Variants in NTN4 observed in about 807,000 individuals in gnomAD.
NTN4 encodes netrin 4, also known as netrin-4.
In NTN4, 32 loss-of-function variants were observed where a neutral mutation model predicts 73.6. That is an observed-to-expected ratio of 0.44 (90% CI 0.33 to 0.58). The LOEUF (loss-of-function observed/expected upper bound fraction) is 0.58, where lower values mean the gene tolerates loss of function less well. Among genes scored for constraint, NTN4 ranks in the 20% least tolerant of loss-of-function variants. The pLI is 0.04. For synonymous variants in NTN4, 258 were observed against 287.5 expected (o/e 0.90, Z 1.04); for missense variants, 654 against 798.3 (o/e 0.82, Z 2.18).
intron 4 of NTN4, among the ~76,000 whole-genome samples, chr12:95,712,624 C>G (rs1565893019): frequency 2.6e-5 from 4 of 151,930 alleles, no homozygotes; most frequent in African/African-American, 4.8e-5. Context: ...TATTTAGAGA[C>G]AGAGTTTCCC....
rs776649804 is a variant in NTN4, at chr12:95,710,473, C to T, written c.1148G>A (p.Arg383Gln). ...RCKPGFYRDL[R>Q]RPFSAPDACK... is the part of the protein sequence containing the mutation. ...AGCATCTGGAGCTGAGAAGGGTCTC[C>T]GCAGGTCACGATAGAAGCCTGGCTT... is the stretch of plus-strand genomic sequence containing the variant. Residue 383 changes from arginine to glutamine, a missense_variant, in exon 5 of 10, where the codon CGG (arginine) becomes CAG (glutamine). Transcript: ENST00000343702. The T allele has an allele frequency of 2.5e-5, 41 of 1,613,870 alleles. 1 individual carries two copies. In the East Asian group the frequency reaches 4.0e-4, roughly 16 times the overall value.
intron 2 of NTN4, among the ~76,000 whole-genome samples, chr12:95,769,946 G>A (rs10777731): frequency 0.8 from 120,975 of 151,498 alleles, 48,639 homozygotes; most frequent in Admixed American, 0.86. Flanking sequence ...TTGTAGAGGC[G>A]GGGTTTCAGC....
chr12:95,754,738 A>C, intron 2 of NTN4, among the ~76,000 whole-genome samples: 1 of 150,658 alleles, frequency 6.6e-6, no homozygotes, highest in African/African-American at 2.4e-5. Context: ...GTAATTTTCC[A>C]TTACCTTCCC....
chr12:95,710,314 C>G, intron 5 of NTN4, 127 bp downstream of exon 5: 1 of 665,000 alleles, frequency 1.5e-6, no homozygotes. Context: ...AGAAATTAAC[C>G]GATATCTGTG....
At chr12:95,704,095 C>T (rs1345395331) in intron 5 of NTN4, among the ~76,000 whole-genome samples, 1 of 152,036 alleles carries the variant, frequency 6.6e-6, no homozygotes, top group Non-Finnish European at 1.5e-5. Flanking sequence ...TGCCTGGCTA[C>T]TCTGAACCTT....
chr12:95,659,276 A>AGAT, intron 9 of NTN4, 54 bp from the exon 10 acceptor site: 2 of 1,364,024 alleles, frequency 1.5e-6, no homozygotes, highest in Non-Finnish European at 2.0e-6. Flanking sequence ...TTGAAGGGAG[A>AGAT]GATGTGACTC....
chr12:95,713,287 G>T lies in NTN4; in HGVS notation c.916C>A (p.His306Asn), dbSNP rs760226106. 2.5e-6 allele frequency: 4 copies of T among 1,612,778 alleles called. No homozygotes were observed. Among genetic ancestry groups the T allele is most frequent in the Non-Finnish European group, 3.4e-6 (4 of 1,178,954 alleles). The change falls in exon 4 of 10, where the codon CAC (histidine) becomes AAC (asparagine). Residue 306 changes from histidine to asparagine, a missense_variant. Coordinates refer to ENST00000343702, the MANE Select transcript of NTN4 (RefSeq NM_021229.4). ...KHNTAGSHCQ[H>N]CAPLYNDRPW... is the part of the protein sequence containing the mutation. ...CGGTCATTGTATAACGGGGCACAGTGCTGGCAGTGGCTGCCTGCTGTGTTG... is the reference window on the plus strand; with the variant it reads ...CGGTCATTGTATAACGGGGCACAGTTCTGGCAGTGGCTGCCTGCTGTGTTG...
At chr12:95,665,750 G>T in intron 9 of NTN4, 60 bp downstream of exon 9, 1 of 1,374,646 alleles carries the variant, frequency 7.3e-7, no homozygotes, top group Non-Finnish European at 1.0e-6. Context: ...GAGGATGTAA[G>T]ACAAGCAGCA....
chr12:95,775,885 G>C (rs2079088400), intron 2 of NTN4, among the ~76,000 whole-genome samples: 1 of 151,880 alleles, frequency 6.6e-6, no homozygotes, highest in South Asian at 2.1e-4. Flanking sequence ...CCTGCCTCCT[G>C]AGTAGCCTAA....
chr12:95,682,865 T>G, intron 6 of NTN4, 43 bp from the exon 7 acceptor site: 1 of 1,169,960 alleles, frequency 8.5e-7, no homozygotes, highest in Non-Finnish European at 1.3e-6. Flanking sequence ...CAGGAATTTT[T>G]TAGAACTTGT....
At chr12:95,720,345 G>A (rs1168540782) in intron 3 of NTN4, among the ~76,000 whole-genome samples, 1 of 152,156 alleles carries the variant, frequency 6.6e-6, no homozygotes, top group Non-Finnish European at 1.5e-5. Flanking sequence ...CTGATGGACA[G>A]ACCTGAAAAA....
rs2078336857 is a variant in NTN4 at position 95,683,610 on chromosome 12, C to T, written c.1282G>A (p.Gly428Arg). 1.9e-6 allele frequency: 3 copies of T among 1,614,082 alleles called. No individual in the cohort carries two copies. The highest frequency in any genetic ancestry group is 2.2e-5 in the South Asian group (2 of 91,080). The stretch of plus-strand genomic sequence containing the variant: ...ACCATGCACCTGTCACAACGTCGCC[C>T]TGCCACCCCAGGCTTGCAAGGGCAG... ...GDCPCKPGVA[G>R]RRCDRCMVGY... The change falls in exon 6 of 10, where the codon GGG becomes AGG. Residue 428 changes from glycine (G) to arginine (R), a missense_variant. Physicochemically the swap from Gly to Arg is moderately radical, Grantham distance 125. Coordinates refer to ENST00000343702, the MANE Select transcript of NTN4 (RefSeq NM_021229.4).
At chr12:95,751,139 C>T (rs1276145858) in intron 2 of NTN4, among the ~76,000 whole-genome samples, 4 of 152,120 alleles carry the variant, frequency 2.6e-5, no homozygotes, top group East Asian at 1.9e-4. Flanking sequence ...AATCTGCTCC[C>T]GACATTAAAT....
intron 7 of NTN4, chr12:95,672,679 C>A (rs1198169956): frequency 6.8e-6 from 10 of 1,468,438 alleles, no homozygotes; most frequent in African/African-American, 1.4e-5. Flanking sequence ...CACCACCCTG[C>A]TGGAGCCTGA....
At chr12:95,716,017 C>T (rs1364351815) in intron 3 of NTN4, among the ~76,000 whole-genome samples, 1 of 149,886 alleles carries the variant, frequency 6.7e-6, no homozygotes, top group African/African-American at 2.5e-5. Context: ...ATGTAGCTGG[C>T]AGAAGTAACA....
At chr12:95,717,612 A>G (rs2078616224) in intron 3 of NTN4, among the ~76,000 whole-genome samples, 1 of 151,874 alleles carries the variant, frequency 6.6e-6, no homozygotes, top group South Asian at 2.1e-4. Flanking sequence ...TTGAAAGATC[A>G]TCCACTATTT....
rs79236571 is a variant in NTN4, at chr12:95,712,591, G to A, written c.991+621C>T. ...GTACAACAGAATCAGATGTTCTCGT[G>A]TCTATTCATGTATTTATTTATTTAT... On this transcript the variant is annotated intron_variant, in intron 4 of 9. Coordinates refer to ENST00000343702, the MANE Select transcript of NTN4 (RefSeq NM_021229.4). 7.8e-3 allele frequency among the ~76,000 whole-genome samples: 1,180 copies of A among 151,998 alleles called. 18 individuals carry two copies. The highest frequency in any genetic ancestry group is 0.027 in the African/African-American group (1,133 of 41,490).
In NTN4 at chr12:95,786,611, C is replaced by T. The variant is rs1291110344; in HGVS notation, c.585+328G>A. On this transcript the variant is annotated intron_variant, in intron 2 of 9. Coordinates refer to ENST00000343702, the MANE Select transcript of NTN4 (RefSeq NM_021229.4). Reference sequence around the variant, plus strand: ...CTCCAGGAACAGACTGTCTCAGTAACTCTTCCCCCTTCAGAAGCACAGTAA... The same window carrying T: ...CTCCAGGAACAGACTGTCTCAGTAATTCTTCCCCCTTCAGAAGCACAGTAA... Among the ~76,000 whole-genome samples, 4 of 152,112 alleles carry T rather than the reference C, an allele frequency of 2.6e-5. No homozygotes were observed. In the South Asian group the frequency reaches 6.2e-4, roughly 24 times the overall value.
chr12:95,780,031 C>G (rs188944397), intron 2 of NTN4, among the ~76,000 whole-genome samples: 6 of 152,198 alleles, frequency 3.9e-5, no homozygotes, highest in Non-Finnish European at 7.4e-5. Flanking sequence ...ACAAACCTGA[C>G]AAAAACAAGA....
Sources: allele counts gnomAD v4.1 joint callset (sites outside exome capture counted in the v4.1 genomes callset), GRCh38; gene constraint gnomAD v4.1.1; transcripts MANE v1.5; gene names NCBI Gene and HGNC (gene_info 2026-07-23, HGNC 2026-07-21).